ATP6V0A1: variants seen among roughly 807,000 people sequenced by gnomAD.
The protein encoded by ATP6V0A1 is ATPase H+ transporting V0 subunit a1.
ATP6V0A1 carries 43 observed loss-of-function variants against 105.4 expected under a neutral mutation model. That is an observed-to-expected ratio of 0.41 (90% CI 0.32 to 0.53). The LOEUF is 0.53. Among genes scored for constraint, ATP6V0A1 ranks in the 20% least tolerant of loss-of-function variants. ATP6V0A1 has a pLI of 0.30. For missense variants in ATP6V0A1, 676 were observed against 1,051.1 expected (o/e 0.64, Z 4.93); for synonymous variants, 362 against 372.8 (o/e 0.97, Z 0.33).
chr17:42,459,369 A>C (rs1021438857), intron 1 of ATP6V0A1, among the ~76,000 whole-genome samples: 1 of 152,224 alleles, frequency 6.6e-6, no homozygotes, highest in African/African-American at 2.4e-5. Context: ...GGAGGAGGCG[A>C]GGACCGGATG....
At chr17:42,498,509 C>T (rs555950133) in intron 14 of ATP6V0A1, among the ~76,000 whole-genome samples, 1 of 152,158 alleles carries the variant, frequency 6.6e-6, no homozygotes, top group Non-Finnish European at 1.5e-5. Context: ...TAGAATTTTC[C>T]ATAATAAATA....
chr17:42,516,332 G>A (rs896327159), intron 21 of ATP6V0A1, among the ~76,000 whole-genome samples: 2 of 152,098 alleles, frequency 1.3e-5, no homozygotes, highest in Non-Finnish European at 2.9e-5. Flanking sequence ...AGGGCAAGAC[G>A]TGGCTAGGGT....
chr17:42,500,815 C>T lies in ATP6V0A1; in HGVS notation c.1788C>T (p.Ala596=). ...LVILIFYKWT[A]YDAHTSENAP... is the part of the protein sequence containing the mutation. Reference sequence around the variant, plus strand: ...TCCTTATTTTTTACAAGTGGACGGCCTATGATGCTCATACCTCTGAGAATG... The same window carrying T: ...TCCTTATTTTTTACAAGTGGACGGCTTATGATGCTCATACCTCTGAGAATG... Residue 596 remains alanine, a synonymous_variant, in exon 16 of 22, where the codon GCC becomes GCT. Transcript: ENST00000343619. The T allele has an allele frequency of 6.2e-7, 1 of 1,613,944 alleles. No homozygotes were observed. The highest frequency in any genetic ancestry group is 8.5e-7 in the Non-Finnish European group (1 of 1,179,820).
At chr17:42,498,772 G>C (rs2091417843) in intron 14 of ATP6V0A1, 152 bp from the exon 15 acceptor site, 2 of 491,304 alleles carry the variant, frequency 4.1e-6, no homozygotes, top group African/African-American at 3.9e-5. Context: ...CTTGCAGTGA[G>C]CTGAGATCAC....
intron 4 of ATP6V0A1, among the ~76,000 whole-genome samples, chr17:42,469,563 T>G (rs2087597987): frequency 1.3e-5 from 2 of 152,104 alleles, no homozygotes; most frequent in Non-Finnish European, 2.9e-5. Flanking sequence ...CTTGAACTCC[T>G]GACCTCAGAT....
chr17:42,465,977 A>G (rs545479357), intron 2 of ATP6V0A1, among the ~76,000 whole-genome samples: 1 of 152,298 alleles, frequency 6.6e-6, no homozygotes, highest in African/African-American at 2.4e-5. Context: ...AAAGAAAAAA[A>G]GCAATTACTT....
intron 19 of ATP6V0A1, among the ~76,000 whole-genome samples, chr17:42,509,177 T>C (rs2092212403): frequency 6.6e-6 from 1 of 152,054 alleles, no homozygotes; most frequent in South Asian, 2.1e-4. Flanking sequence ...TCCAGATGCA[T>C]CCCAAAGGAA....
At position 42,497,283 on chromosome 17, in the gene ATP6V0A1, G is replaced by A. The variant is rs531037596; in HGVS notation, c.1560+1567G>A. On this transcript the variant is annotated intron_variant, in intron 14 of 21. Coordinates refer to ENST00000343619, the MANE Select transcript of ATP6V0A1 (RefSeq NM_001130021.3). The stretch of plus-strand genomic sequence containing the variant: ...TAACTGCACTCCGGCCTGGGTGACA[G>A]AGTGAAGACCCTGTCTCAAAAAAAA... 8.3e-4 allele frequency among the ~76,000 whole-genome samples: 115 copies of A among 139,266 alleles called. 1 individual carries two copies. In the South Asian group the frequency reaches 0.027, roughly 32 times the overall value. 91.4% of individuals were successfully genotyped at this position (139,266 alleles called of 152,430 possible).
At position 42,478,434 on chromosome 17, in the gene ATP6V0A1, A is replaced by G. The variant is rs1255602305; in HGVS notation, c.507-29A>G. ...CCTTCCATCCCATGACATGGAATAG[A>G]GTTTCCAATCTGCCTCTTCTCCCCA... On this transcript the variant is annotated intron_variant, in intron 6 of 21. Transcript: ENST00000343619. 3.9e-6 allele frequency: 6 copies of G among 1,556,206 alleles called. No homozygotes were observed. In the African/African-American group the frequency reaches 6.8e-5, roughly 18 times the overall value.
intron 8 of ATP6V0A1, among the ~76,000 whole-genome samples, chr17:42,482,384 C>T (rs947155330): frequency 6.6e-6 from 1 of 152,088 alleles, no homozygotes; most frequent in African/African-American, 2.4e-5. Context: ...TAGACTCAAG[C>T]AATCCACCTG....
chr17:42,489,995 G>A lies in ATP6V0A1; in HGVS notation c.1024-492G>A, dbSNP rs111372416. Among the ~76,000 whole-genome samples, 791 of 152,312 alleles carry A rather than the reference G, an allele frequency of 5.2e-3. 3 individuals are homozygous for A. The highest frequency in any genetic ancestry group is 8.3e-3 in the Non-Finnish European group (562 of 68,030). On this transcript the variant is annotated intron_variant, in intron 10 of 21. Transcript: ENST00000343619. ...TCACCAAAGATCTCCAATGTCAGGG[G>A]CGTGCATGGGGGAGAGAAGCTCTTT...
chr17:42,476,669 A>G (rs1208603344), intron 5 of ATP6V0A1, among the ~76,000 whole-genome samples: 1 of 152,098 alleles, frequency 6.6e-6, no homozygotes, highest in East Asian at 1.9e-4. Context: ...TGAGTTCGGT[A>G]GAGAGAGGCT....
chr17:42,477,442 G>A (rs1367746828), intron 5 of ATP6V0A1, among the ~76,000 whole-genome samples: 2 of 152,012 alleles, frequency 1.3e-5, no homozygotes, highest in South Asian at 2.1e-4. Context: ...CTTTACTGGG[G>A]CAATTATGCT....
chr17:42,463,841 A>G (rs1461007051), intron 2 of ATP6V0A1, among the ~76,000 whole-genome samples: 1 of 152,220 alleles, frequency 6.6e-6, no homozygotes, highest in African/African-American at 2.4e-5. Context: ...CATATTTTGT[A>G]TGTTATATGT....
chr17:42,514,326 C>T lies in ATP6V0A1; in HGVS notation c.2286C>T (p.Ile762=), dbSNP rs368275528. 24 of 1,610,888 alleles carry T rather than the reference C, an allele frequency of 1.5e-5. No individual in the cohort carries two copies. The highest frequency in any genetic ancestry group is 1.6e-4 in the Middle Eastern group (1 of 6,070). ...SEVLWTMVIH[I]GLSVKSLAGG... ...TGCTTTGGACCATGGTGATCCACAT[C>T]GGCCTGAGCGTGAAGAGCTTGGCGG... The change falls in exon 21 of 22, where the codon ATC becomes ATT. Residue 762 remains isoleucine, a synonymous_variant. Transcript: ENST00000343619.
At chr17:42,463,319 A>G (rs2086665694) in intron 2 of ATP6V0A1, among the ~76,000 whole-genome samples, 1 of 152,000 alleles carries the variant, frequency 6.6e-6, no homozygotes, top group Non-Finnish European at 1.5e-5. Flanking sequence ...GAACATTTTC[A>G]TCAGTCCAGA....
At chr17:42,505,629 T>G (rs887338712) in intron 17 of ATP6V0A1, among the ~76,000 whole-genome samples, 1 of 152,116 alleles carries the variant, frequency 6.6e-6, no homozygotes, top group African/African-American at 2.4e-5. Context: ...TGAGCCACTG[T>G]GCCCAGCTGA....
chr17:42,487,418 C>T, intron 10 of ATP6V0A1, 51 bp downstream of exon 10: 27 of 1,573,742 alleles, frequency 1.7e-5, no homozygotes, highest in Non-Finnish European at 2.4e-5. Flanking sequence ...GAGAGGTTCC[C>T]ATCAATAGTA....
intron 2 of ATP6V0A1, among the ~76,000 whole-genome samples, chr17:42,463,813 A>G (rs2145633669): frequency 6.6e-6 from 1 of 152,344 alleles, no homozygotes; most frequent in East Asian, 1.9e-4. Context: ...TACCAATTTC[A>G]TAAACAGTCG....
Sources: gnomAD v4.1 joint callset for allele counts (sites outside exome capture counted in the v4.1 genomes callset) on GRCh38, gnomAD v4.1.1 for gene constraint, MANE v1.5 for transcripts, NCBI Gene and HGNC (gene_info 2026-07-23, HGNC 2026-07-21) for gene names.